Variants in GDE1 observed in about 807,000 individuals in gnomAD.
GDE1 encodes RGS16-interacting membrane protein.
Under a neutral mutation model 32.2 loss-of-function variants are expected in GDE1, and 24 were observed. The ratio of observed to expected loss-of-function variants is 0.75; its 90% CI spans 0.54 to 1.05. GDE1 has a LOEUF of 1.05. Ranked by LOEUF, GDE1 falls within the 50% of genes least tolerant of loss-of-function variation. The probability of loss-of-function intolerance (pLI) is 0.00; values close to 1 mark genes in which losing one functional copy is unlikely to be tolerated. For synonymous variants in GDE1, 159 were observed against 158.6 expected (o/e 1.00, Z -0.02); for missense variants, 380 against 415.0 (o/e 0.92, Z 0.73).
rs778961906 is a variant in GDE1, at chr16:19,521,861, G to A, written c.104C>T (p.Thr35Ile). Residue 35 changes from threonine (T) to isoleucine (I), a missense_variant, in exon 1 of 6, where the codon ACC becomes ATC. Coordinates refer to ENST00000353258, the MANE Select transcript of GDE1 (RefSeq NM_016641.4). Reference protein sequence around the residue: ...TRSPVNACLLTGSLFVLLRVF... With the variant: ...TRSPVNACLLIGSLFVLLRVF... Reference sequence around the variant, plus strand: ...GCGCAGTAGAACGAAGAGGCTGCCGGTGAGGAGGCAGGCATTGACCGGGCT... The same window carrying A: ...GCGCAGTAGAACGAAGAGGCTGCCGATGAGGAGGCAGGCATTGACCGGGCT... 5.0e-6 allele frequency: 8 copies of A among 1,607,584 alleles called. No individual in the cohort carries two copies. In the South Asian group the frequency reaches 8.9e-5, roughly 18 times the overall value.
At chr16:19,520,179 G>C (rs906112668) in intron 1 of GDE1, among the ~76,000 whole-genome samples, 3 of 152,082 alleles carry the variant, frequency 2.0e-5, no homozygotes, top group African/African-American at 7.2e-5. Context: ...ACTATAAACA[G>C]TGGCAAAGGA....
chr16:19,504,253 TA>T (rs1477530230), intron 5 of GDE1: 2 of 153,170 alleles, frequency 1.3e-5, no homozygotes, highest in Non-Finnish European at 2.9e-5. Context: ...CACTTGGCTA[TA>T]AACGTCACGA....
chr16:19,513,309 G>A (rs1450353074), intron 2 of GDE1, among the ~76,000 whole-genome samples: 1 of 151,578 alleles, frequency 6.6e-6, no homozygotes, highest in East Asian at 1.9e-4. Context: ...CCTTGTAAGA[G>A]CTCTTTCACC....
Position 19,520,495 on chromosome 16 carries a change from G to A in GDE1, c.261+1209C>T, listed in dbSNP as rs951241055. On this transcript the variant is annotated intron_variant, in intron 1 of 5. Transcript: ENST00000353258. ...TCCTAGTACCTTGGGAGGCCGAGGC[G>A]GGTGGATCACTTTGAGGCCAGGAGT... is the stretch of plus-strand genomic sequence containing the variant. 5.9e-5 allele frequency among the ~76,000 whole-genome samples: 9 copies of A among 151,774 alleles called. No homozygotes were observed. In the South Asian group the frequency reaches 6.3e-4, roughly 11 times the overall value.
chr16:19,513,748 G>A (rs1466255278), intron 2 of GDE1, among the ~76,000 whole-genome samples: 1 of 152,214 alleles, frequency 6.6e-6, no homozygotes, highest in Non-Finnish European at 1.5e-5. Flanking sequence ...AAAGTATCCA[G>A]TAAGTACAGA....
rs759095009 is a variant in GDE1, at chr16:19,521,980, G to T, written c.-16C>A. 6 of 1,523,842 alleles carry T rather than the reference G, an allele frequency of 3.9e-6. No homozygotes were observed. In the South Asian group the frequency reaches 6.0e-5, roughly 15 times the overall value. The allele number at this position is 1,523,842 out of a possible 1,614,324, so 94.4% of individuals were successfully genotyped here. Reference sequence around the variant, plus strand: ...ACAGCCACATGCCGGCGCCCGCACCGGCACGGACGGGAGTCCCGGACCCGC... The same window carrying T: ...ACAGCCACATGCCGGCGCCCGCACCTGCACGGACGGGAGTCCCGGACCCGC... On this transcript the variant is annotated 5_prime_UTR_variant, in exon 1 of 6. Coordinates refer to ENST00000353258, the MANE Select transcript of GDE1 (RefSeq NM_016641.4).
intron 3 of GDE1, among the ~76,000 whole-genome samples, chr16:19,508,128 T>C (rs1454393938): frequency 6.6e-6 from 1 of 152,186 alleles, no homozygotes; most frequent in Non-Finnish European, 1.5e-5. Flanking sequence ...AGTCCTTTCA[T>C]ACCCACAGCT....
chr16:19,506,100 T>G (rs1482422591), intron 4 of GDE1, among the ~76,000 whole-genome samples: 2 of 152,090 alleles, frequency 1.3e-5, no homozygotes, highest in Non-Finnish European at 2.9e-5. Flanking sequence ...AAAAACACCC[T>G]CATCTCTAGA....
chr16:19,509,380 G>A (rs1024261111), intron 3 of GDE1, among the ~76,000 whole-genome samples: 1 of 152,094 alleles, frequency 6.6e-6, no homozygotes, highest in African/African-American at 2.4e-5. Flanking sequence ...CCAAATGTGG[G>A]CTGCAACATC....
At chr16:19,516,915 A>G in intron 2 of GDE1, 99 bp downstream of exon 2, 1 of 1,050,752 alleles carries the variant, frequency 9.5e-7, no homozygotes, top group Non-Finnish European at 1.4e-6. Flanking sequence ...AAAACAAAAC[A>G]AGACAACTCT....
intron 2 of GDE1, among the ~76,000 whole-genome samples, chr16:19,513,430 C>T (rs1370891381): frequency 6.6e-6 from 1 of 151,926 alleles, no homozygotes; most frequent in Non-Finnish European, 1.5e-5. Flanking sequence ...TACGTATAGA[C>T]ATGCTACTGA....
At chr16:19,521,631 G>A (rs958108756) in intron 1 of GDE1, 73 bp downstream of exon 1, 17 of 1,528,542 alleles carry the variant, frequency 1.1e-5, no homozygotes, top group Non-Finnish European at 1.4e-5. Context: ...GAGAAGATCG[G>A]GGAACCCTGG....
chr16:19,517,764 A>G (rs1398339246), intron 1 of GDE1, among the ~76,000 whole-genome samples: 1 of 152,262 alleles, frequency 6.6e-6, no homozygotes, highest in Non-Finnish European at 1.5e-5. Context: ...TTTATCTAAA[A>G]AGAGAATTTG....
chr16:19,505,866 G>C (rs1414980016), intron 4 of GDE1, among the ~76,000 whole-genome samples: 1 of 152,168 alleles, frequency 6.6e-6, no homozygotes, highest in Non-Finnish European at 1.5e-5. Context: ...CTGGAAACTG[G>C]TAAATAAAAG....
At chr16:19,515,084 AG>A (rs1249773608) in intron 2 of GDE1, among the ~76,000 whole-genome samples, 259 of 148,852 alleles carry the variant, frequency 1.7e-3, no homozygotes, top group African/African-American at 6.1e-3. Flanking sequence ...AAAAAAAAAA[AG>A]ATAAGGATAA....
rs1428514744 is a variant in GDE1, at chr16:19,507,765, T to C, written c.558A>G (p.Leu186=). 4 of 1,513,580 alleles carry C rather than the reference T, an allele frequency of 2.6e-6. No homozygotes were observed. In the African/African-American group the frequency reaches 5.5e-5, roughly 21 times the overall value. The allele number at this position is 1,513,580 out of a possible 1,614,324, so 93.8% of individuals were successfully genotyped here. ...KGHAHKATEA[L]KKMYMEFPQL... is the part of the protein sequence containing the mutation. The stretch of plus-strand genomic sequence containing the variant: ...GAGGAAATTCCATATACATTTTCTT[T>C]AGAGCCTCAGTAGCCTGTAAAATAA... Residue 186 remains leucine (L), a synonymous_variant, in exon 4 of 6, where the codon CTA becomes CTG. Transcript: ENST00000353258.
chr16:19,505,113 G>GT, intron 4 of GDE1, 21 bp from the exon 5 acceptor site: 2 of 1,466,832 alleles, frequency 1.4e-6, no homozygotes, highest in Non-Finnish European at 1.9e-6. Flanking sequence ...ATTTGGGGAA[G>GT]TAAAATAATG....
intron 2 of GDE1, among the ~76,000 whole-genome samples, chr16:19,515,933 A>G (rs1969375377): frequency 1.3e-5 from 2 of 152,128 alleles, no homozygotes; most frequent in Non-Finnish European, 2.9e-5. Flanking sequence ...AAAGTACAGT[A>G]TATTACTCAG....
intron 4 of GDE1, among the ~76,000 whole-genome samples, chr16:19,506,427 A>C (rs1007213461): frequency 6.6e-6 from 1 of 152,190 alleles, no homozygotes; most frequent in African/African-American, 2.4e-5. Flanking sequence ...AGGCAGGCAG[A>C]TCACCTGAGG....
Sources: allele counts gnomAD v4.1 joint callset (sites outside exome capture counted in the v4.1 genomes callset), GRCh38; gene constraint gnomAD v4.1.1; transcripts MANE v1.5; gene names NCBI Gene and HGNC (gene_info 2026-07-23, HGNC 2026-07-21).